The following ATRNL1 variants were observed in gnomAD, a reference collection of about 807,000 sequenced individuals.
ATRNL1 encodes the protein attractin-like protein 1.
A neutral mutation model predicts 182.7 loss-of-function variants in ATRNL1; 95 were observed. The observed-to-expected ratio is 0.52, with a 90% CI of 0.44 to 0.62. ATRNL1 has a LOEUF of 0.62. ATRNL1 is among the 20% of genes least tolerant of loss of function. The pLI, the probability that ATRNL1 is intolerant of heterozygous loss-of-function variation, is 0.00. For missense variants in ATRNL1, 1,471 were observed against 1,679.5 expected (o/e 0.88, Z 2.17); for synonymous variants, 576 against 568.3 (o/e 1.01, Z -0.19).
At chr10:115,833,726 C>A (rs1240145118) in intron 27 of ATRNL1, among the ~76,000 whole-genome samples, 4 of 152,096 alleles carry the variant, frequency 2.6e-5, no homozygotes, top group African/African-American at 4.8e-5. Flanking sequence ...AAGAAACATG[C>A]CCAAGTAAGC....
intron 27 of ATRNL1, among the ~76,000 whole-genome samples, chr10:115,740,655 A>G (rs1466926330): frequency 1.3e-5 from 2 of 152,026 alleles, no homozygotes; most frequent in Admixed American, 1.3e-4. Flanking sequence ...ACAGGCACAC[A>G]CCACCATGCC....
chr10:115,351,101 C>T (rs1240167182), intron 19 of ATRNL1, among the ~76,000 whole-genome samples: 1 of 152,072 alleles, frequency 6.6e-6, no homozygotes, highest in Non-Finnish European at 1.5e-5. Flanking sequence ...ATTTTGTATC[C>T]TGCAGGTCTA....
intron 28 of ATRNL1, among the ~76,000 whole-genome samples, chr10:115,866,317 G>C (rs1951438943): frequency 6.6e-6 from 1 of 152,036 alleles, no homozygotes; most frequent in South Asian, 2.1e-4. Flanking sequence ...GACTTTTTCT[G>C]AACTTAGAAA....
chr10:115,198,464 T>G (rs782812127), intron 8 of ATRNL1, among the ~76,000 whole-genome samples: 9 of 152,204 alleles, frequency 5.9e-5, no homozygotes, highest in Non-Finnish European at 1.3e-4. Flanking sequence ...TCATAGGTTA[T>G]ATCTTCAGTT....
chr10:115,165,733 C>T, intron 7 of ATRNL1, 88 bp downstream of exon 7: 1 of 615,314 alleles, frequency 1.6e-6, no homozygotes, highest in Non-Finnish European at 2.7e-6. Flanking sequence ...AGATTTATTT[C>T]AAATATTTAA....
rs143847838 is a variant in ATRNL1 at position 115,477,066 on chromosome 10, A to G, written c.3654+7737A>G. The stretch of plus-strand genomic sequence containing the variant: ...ATGTACAGATAAAATATGCTTTCTT[A>G]TACTCTTAAAAAAGTTTTAACATGC... On this transcript the variant is annotated intron_variant, in intron 24 of 28. Transcript: ENST00000355044. Among the ~76,000 whole-genome samples, 493 of 151,670 alleles carry G rather than the reference A, an allele frequency of 3.3e-3. 7 individuals carry two copies. The highest frequency in any genetic ancestry group is 0.012 in the African/African-American group (484 of 41,482).
At chr10:115,168,431 G>A (rs1270076363) in intron 7 of ATRNL1, among the ~76,000 whole-genome samples, 2 of 152,074 alleles carry the variant, frequency 1.3e-5, no homozygotes. Context: ...ATTCCCACCA[G>A]CCATGTATGA....
chr10:115,361,736 G>T (rs1554944264), intron 19 of ATRNL1, among the ~76,000 whole-genome samples: 1 of 151,836 alleles, frequency 6.6e-6, no homozygotes, highest in Non-Finnish European at 1.5e-5. Flanking sequence ...TTTTTAATGT[G>T]GTATACAATG....
At chr10:115,331,835 G>T (rs1554935180) in intron 18 of ATRNL1, among the ~76,000 whole-genome samples, 1 of 152,110 alleles carries the variant, frequency 6.6e-6, no homozygotes, top group Non-Finnish European at 1.5e-5. Flanking sequence ...AACTCATTGT[G>T]ATCATGGGAG....
At chr10:115,418,481 T>A (rs1757428202) in intron 20 of ATRNL1, among the ~76,000 whole-genome samples, 1 of 152,086 alleles carries the variant, frequency 6.6e-6, no homozygotes. Context: ...ATAACACATT[T>A]GTGTTATTAG....
At chr10:115,642,970 T>C (rs1859348636) in intron 26 of ATRNL1, among the ~76,000 whole-genome samples, 1 of 152,134 alleles carries the variant, frequency 6.6e-6, no homozygotes, top group African/African-American at 2.4e-5. Context: ...AACTTCGAGG[T>C]TTCTACTGGC....
At chr10:115,216,104 T>A (rs1361268666) in intron 9 of ATRNL1, among the ~76,000 whole-genome samples, 1 of 151,820 alleles carries the variant, frequency 6.6e-6, no homozygotes, top group Non-Finnish European at 1.5e-5. Context: ...CATCTGTAAA[T>A]TTTAAAAAGC....
At chr10:115,440,984 G>A (rs893656477) in intron 21 of ATRNL1, among the ~76,000 whole-genome samples, 4 of 151,528 alleles carry the variant, frequency 2.6e-5, no homozygotes, top group East Asian at 1.9e-4. Context: ...AAATAGATGC[G>A]AATGTTCCCA....
chr10:115,261,858 C>T (rs1851406006), intron 10 of ATRNL1, among the ~76,000 whole-genome samples: 1 of 151,956 alleles, frequency 6.6e-6, no homozygotes, highest in Non-Finnish European at 1.5e-5. Context: ...ACAGCCTAGG[C>T]AATATAGCAA....
chr10:115,842,488 G>C (rs956921925), intron 27 of ATRNL1, among the ~76,000 whole-genome samples: 1 of 151,996 alleles, frequency 6.6e-6, no homozygotes, highest in African/African-American at 2.4e-5. Flanking sequence ...AAAGAGGAAA[G>C]GGACCTTAAA....
chr10:115,869,583 C>T (rs1469860564), intron 28 of ATRNL1, among the ~76,000 whole-genome samples: 3 of 152,094 alleles, frequency 2.0e-5, no homozygotes, highest in African/African-American at 7.2e-5. Context: ...CACCACCACA[C>T]ACAAACATAT....
intron 20 of ATRNL1, among the ~76,000 whole-genome samples, chr10:115,425,139 T>C (rs940425424): frequency 2.5e-4 from 38 of 152,138 alleles, no homozygotes; most frequent in Admixed American, 1.9e-3. Flanking sequence ...GAAAAATGCA[T>C]TGGGAATGTA....
chr10:115,297,426 G>A (rs2133967174), intron 15 of ATRNL1, among the ~76,000 whole-genome samples: 1 of 152,104 alleles, frequency 6.6e-6, no homozygotes, highest in African/African-American at 2.4e-5. Flanking sequence ...CCGATCACAA[G>A]GTCAGGAGTT....
At chr10:115,524,315 C>T (rs1554986014) in intron 25 of ATRNL1, among the ~76,000 whole-genome samples, 1 of 152,072 alleles carries the variant, frequency 6.6e-6, no homozygotes, top group Non-Finnish European at 1.5e-5. Flanking sequence ...AATCTCAGTC[C>T]TTTCATATAT....
Sources: gnomAD v4.1 joint callset for allele counts (sites outside exome capture counted in the v4.1 genomes callset) on GRCh38, gnomAD v4.1.1 for gene constraint, MANE v1.5 for transcripts, NCBI Gene and HGNC (gene_info 2026-07-23, HGNC 2026-07-21) for gene names.